The following PTPRR variants were observed in gnomAD, a reference collection of about 807,000 sequenced individuals.
The protein encoded by PTPRR is protein tyrosine phosphatase receptor type R, also known as receptor-type tyrosine-protein phosphatase R.
In PTPRR, 38 loss-of-function variants were observed where a neutral mutation model predicts 77.2. That is an observed-to-expected ratio of 0.49 (90% confidence interval 0.38 to 0.65). PTPRR has a LOEUF of 0.65. PTPRR is among the 30% of genes least tolerant of loss of function. The pLI, the probability that PTPRR is intolerant of heterozygous loss-of-function variation, is 0.00. For missense variants in PTPRR, 744 were observed against 799.2 expected, an observed-to-expected ratio of 0.93 and a Z score of 0.83; for synonymous variants, 299 against 283.1, an observed-to-expected ratio of 1.06 and a Z score of -0.57.
At chr12:70,652,876 G>C (rs562764248) in intron 13 of PTPRR, among the ~76,000 whole-genome samples, 2 of 152,334 alleles carry the variant, frequency 1.3e-5, no homozygotes, top group Admixed American at 6.5e-5. Context: ...GTGGAGGTCA[G>C]GCTATGAAAG....
intron 10 of PTPRR, among the ~76,000 whole-genome samples, chr12:70,681,722 C>T (rs1007812543): frequency 3.9e-5 from 6 of 152,130 alleles, no homozygotes; most frequent in Non-Finnish European, 4.4e-5. Context: ...TATGAGCATT[C>T]GGCTTCTCTA....
chr12:70,645,229 G>C (rs1485118447), intron 13 of PTPRR, among the ~76,000 whole-genome samples: 1 of 152,122 alleles, frequency 6.6e-6, no homozygotes, highest in East Asian at 1.9e-4. Context: ...GATTCTGCCT[G>C]CAAAAAGTTT....
intron 8 of PTPRR, among the ~76,000 whole-genome samples, chr12:70,686,316 A>G (rs1291637941): frequency 1.3e-5 from 2 of 152,220 alleles, no homozygotes; most frequent in African/African-American, 4.8e-5. Context: ...AGCTAAAAAT[A>G]ATTAAAAATT....
chr12:70,747,735 G>A (rs995101649), intron 5 of PTPRR, among the ~76,000 whole-genome samples: 11 of 152,132 alleles, frequency 7.2e-5, no homozygotes, highest in South Asian at 2.1e-4. Context: ...TGTGTGGTAC[G>A]TGTACAAACT....
At chr12:70,740,257 G>C (rs1890003695) in intron 6 of PTPRR, among the ~76,000 whole-genome samples, 1 of 152,118 alleles carries the variant, frequency 6.6e-6, no homozygotes, top group Non-Finnish European at 1.5e-5. Context: ...TGGGTCCAAG[G>C]TGATGATTAC....
At chr12:70,686,065 T>C (rs1429300567) in intron 8 of PTPRR, among the ~76,000 whole-genome samples, 1 of 152,190 alleles carries the variant, frequency 6.6e-6, no homozygotes, top group Non-Finnish European at 1.5e-5. Context: ...GCTTAGTTAC[T>C]TTCTTAAAAA....
chr12:70,827,400 T>G lies in PTPRR; in HGVS notation c.358-62622A>C, dbSNP rs531823493. Reference sequence around the variant, plus strand: ...TCTCAGAGTTCTGGAAGCTGGAAGATCTAGATCAAAGTGCTGGTAGAGTCA... The same window carrying G: ...TCTCAGAGTTCTGGAAGCTGGAAGAGCTAGATCAAAGTGCTGGTAGAGTCA... On this transcript the variant is annotated intron_variant, in intron 2 of 13. Transcript: ENST00000283228. Among the ~76,000 whole-genome samples, 6 of 152,230 alleles carry G rather than the reference T, an allele frequency of 3.9e-5. No individual in the cohort carries two copies. In the East Asian group the frequency reaches 1.2e-3, roughly 29 times the overall value.
At chr12:70,900,789 C>A (rs1015705993) in intron 1 of PTPRR, among the ~76,000 whole-genome samples, 1 of 151,514 alleles carries the variant, frequency 6.6e-6, no homozygotes, top group Non-Finnish European at 1.5e-5. Context: ...GCATCACTAA[C>A]CATTAGGAAA....
At chr12:70,772,647 G>A (rs749162121) in intron 2 of PTPRR, among the ~76,000 whole-genome samples, 3 of 152,064 alleles carry the variant, frequency 2.0e-5, no homozygotes, top group Non-Finnish European at 4.4e-5. Context: ...CTTGCATGGA[G>A]GTAGGGGCCC....
chr12:70,760,694 T>C (rs1391005707), intron 4 of PTPRR, among the ~76,000 whole-genome samples: 1 of 152,216 alleles, frequency 6.6e-6, no homozygotes, highest in Non-Finnish European at 1.5e-5. Flanking sequence ...TTCTGTCACC[T>C]TGAGGGAGTC....
At chr12:70,720,503 C>A (rs903121692) in intron 6 of PTPRR, among the ~76,000 whole-genome samples, 22 of 145,418 alleles carry the variant, frequency 1.5e-4, no homozygotes, top group African/African-American at 4.2e-4. Context: ...CTCTGTTACC[C>A]TGGTAATTTT....
chr12:70,818,635 C>T (rs1891949909), intron 2 of PTPRR, among the ~76,000 whole-genome samples: 1 of 152,082 alleles, frequency 6.6e-6, no homozygotes, highest in Non-Finnish European at 1.5e-5. Flanking sequence ...TCATGGTTGG[C>T]TCATAGTTGT....
intron 13 of PTPRR, among the ~76,000 whole-genome samples, chr12:70,647,772 T>A (rs188849736): frequency 0.013 from 2,031 of 152,300 alleles, 27 homozygotes; most frequent in Admixed American, 0.03. Context: ...ACTATAATTT[T>A]AAAAAATTGA....
At chr12:70,744,682 A>G (rs1890155969) in intron 6 of PTPRR, among the ~76,000 whole-genome samples, 1 of 152,196 alleles carries the variant, frequency 6.6e-6, no homozygotes, top group Admixed American at 6.5e-5. Flanking sequence ...GTATCATGGG[A>G]AATATATTCA....
At chr12:70,701,410 G>C in intron 6 of PTPRR, 87 bp from the exon 7 acceptor site, 1 of 1,187,844 alleles carries the variant, frequency 8.4e-7, no homozygotes, top group Non-Finnish European at 1.2e-6. Context: ...ACACAATTCA[G>C]TGAGAACTTT....
intron 1 of PTPRR, among the ~76,000 whole-genome samples, chr12:70,902,051 A>C (rs1893544429): frequency 6.6e-6 from 1 of 151,660 alleles, no homozygotes; most frequent in Admixed American, 6.6e-5. Flanking sequence ...ATGGCCAACC[A>C]ACATATGAAA....
intron 1 of PTPRR, among the ~76,000 whole-genome samples, chr12:70,911,741 G>T: frequency 8.8e-6 from 1 of 113,344 alleles, no homozygotes; most frequent in Non-Finnish European, 1.7e-5. Context: ...ATCAAGAAAA[G>T]GCTCAACTGA....
At chr12:70,799,092 A>G (rs1249225472) in intron 2 of PTPRR, among the ~76,000 whole-genome samples, 2 of 152,182 alleles carry the variant, frequency 1.3e-5, no homozygotes, top group African/African-American at 2.4e-5. Context: ...CCCCTCAATC[A>G]GAGAAAGACA....
intron 10 of PTPRR, among the ~76,000 whole-genome samples, chr12:70,670,828 T>C (rs1887196817): frequency 6.6e-6 from 1 of 152,248 alleles, no homozygotes. Flanking sequence ...TCCCTTTCTC[T>C]TGAGATTTAT....
Sources: gnomAD v4.1 joint callset for allele counts (sites outside exome capture counted in the v4.1 genomes callset) on GRCh38, gnomAD v4.1.1 for gene constraint, MANE v1.5 for transcripts, NCBI Gene and HGNC (gene_info 2026-07-23, HGNC 2026-07-21) for gene names.